Variants in SVEP1 observed in about 807,000 individuals in gnomAD.
SVEP1 encodes the protein sushi, von Willebrand factor type A, EGF and pentraxin domain containing 1.
Under a neutral mutation model 367.3 loss-of-function variants are expected in SVEP1, and 164 were observed. The observed-to-expected ratio is 0.45, with a 90% CI of 0.39 to 0.51. The LOEUF (loss-of-function observed/expected upper bound fraction) is 0.51, where lower values mean the gene tolerates loss of function less well. Ranked by LOEUF, SVEP1 falls within the 20% of genes least tolerant of loss-of-function variation. The pLI, the probability that SVEP1 is intolerant of heterozygous loss-of-function variation, is 0.00. For missense variants in SVEP1, 4,117 were observed against 4,425.3 expected, an observed-to-expected ratio of 0.93 and a Z score of 1.98; for synonymous variants, 1,666 against 1,611.6, an observed-to-expected ratio of 1.03 and a Z score of -0.81.
At chr9:110,494,006 T>C (rs368648237) in intron 8 of SVEP1, among the ~76,000 whole-genome samples, 4 of 152,302 alleles carry the variant, frequency 2.6e-5, no homozygotes, top group African/African-American at 7.2e-5. Flanking sequence ...CCTTCTGTTA[T>C]AGCATCGCTC....
chr9:110,484,821 A>T (rs576322573), intron 9 of SVEP1, among the ~76,000 whole-genome samples: 78 of 152,338 alleles, frequency 5.1e-4, no homozygotes, highest in Non-Finnish European at 9.7e-4. Flanking sequence ...CGGCCAACAA[A>T]CATATGAAAA....
intron 18 of SVEP1, among the ~76,000 whole-genome samples, chr9:110,464,460 C>T (rs1828905883): frequency 6.6e-6 from 1 of 152,174 alleles, no homozygotes; most frequent in Admixed American, 6.5e-5. Flanking sequence ...TCTCCCAATG[C>T]ACTTATGAGG....
chr9:110,408,426 G>T lies in SVEP1; in HGVS notation c.7174C>A (p.Pro2392Thr). Residue 2392 changes from proline (P) to threonine (T), a missense_variant, in exon 38 of 48, where the codon CCC becomes ACC. Coordinates refer to ENST00000374469, the MANE Select transcript of SVEP1 (RefSeq NM_153366.4). ...AAATGAAGAGCAGAAGAAGGAATGG[G>T]GACACCAAAGGAAATTAGGGGAGGT... ...TPPPLISFGV[P>T]IPSSALHFGS... is the part of the protein sequence containing the mutation. The T allele has an allele frequency of 6.2e-7, 1 of 1,613,908 alleles. No individual in the cohort carries two copies. The highest frequency in any genetic ancestry group is 8.5e-7 in the Non-Finnish European group (1 of 1,179,882).
intron 27 of SVEP1, among the ~76,000 whole-genome samples, chr9:110,437,148 C>A (rs946443877): frequency 6.6e-6 from 1 of 152,118 alleles, no homozygotes; most frequent in Admixed American, 6.6e-5. Flanking sequence ...CTTGCCCCGT[C>A]TTCTCTTTGT....
Position 110,445,949 on chromosome 9 carries a change from G to C in SVEP1, c.4351C>G (p.Leu1451Val). ...GATTTCATCCAGAAGGTACAGGTTA[G>C]AGCATGGAGAGATGGGAGCATGCCA... ...LDGMLPSLHA[L>V]TCTFWMKSSD... Residue 1451 changes from leucine (L) to valine (V), a missense_variant, in exon 26 of 48, where the codon CTA becomes GTA. Transcript: ENST00000374469. 4 of 1,613,944 alleles carry C rather than the reference G, an allele frequency of 2.5e-6. No homozygotes were observed. The highest frequency in any genetic ancestry group is 3.4e-6 in the Non-Finnish European group (4 of 1,179,848).
chr9:110,529,579 C>T (rs1407649372), intron 3 of SVEP1, among the ~76,000 whole-genome samples: 1 of 148,346 alleles, frequency 6.7e-6, no homozygotes, highest in African/African-American at 2.5e-5. Flanking sequence ...TGGTTCACCT[C>T]CTTGGTTACG....
chr9:110,577,531 T>G (rs1830641102), intron 1 of SVEP1, among the ~76,000 whole-genome samples: 1 of 152,106 alleles, frequency 6.6e-6, no homozygotes, highest in Non-Finnish European at 1.5e-5. Flanking sequence ...TTTCTCTGAT[T>G]TGGGAAATGA....
intron 17 of SVEP1, among the ~76,000 whole-genome samples, chr9:110,467,247 AT>A (rs1237368266): frequency 2.0e-5 from 3 of 152,364 alleles, no homozygotes; most frequent in African/African-American, 7.2e-5. Flanking sequence ...AAAATATTGA[AT>A]ATTTTAGCAG....
chr9:110,406,315 G>A lies in SVEP1; in HGVS notation c.9285C>T (p.Val3095=), dbSNP rs1285057384. The change falls in exon 38 of 48, where the codon GTC becomes GTT. Residue 3095 remains valine (V), a synonymous_variant. Transcript: ENST00000374469. The part of the protein sequence containing the change: ...VITYSCRSGY[V]IQGSSDLICT... Reference sequence around the variant, plus strand: ...AAATCAGATCTGAACTGCCTTGTATGACATATCCAGACCTGCAGCTGTAAG... The same window carrying A: ...AAATCAGATCTGAACTGCCTTGTATAACATATCCAGACCTGCAGCTGTAAG... 1.9e-6 allele frequency: 3 copies of A among 1,614,026 alleles called. No homozygotes were observed. The highest frequency in any genetic ancestry group is 2.2e-5 in the South Asian group (2 of 91,080).
Position 110,444,757 on chromosome 9 carries a change from A to C in SVEP1, c.4464-1037T>G, listed in dbSNP as rs564293695. Among the ~76,000 whole-genome samples, 72 of 113,312 alleles carry C rather than the reference A, an allele frequency of 6.4e-4. No individual in the cohort carries two copies. In the East Asian group the frequency reaches 9.7e-3, roughly 15 times the overall value. 74.3% of individuals were successfully genotyped at this position (113,312 alleles called of 152,430 possible). A position where few individuals can be genotyped will look rare whatever the true frequency, so the allele number is the denominator to read the frequency against. On this transcript the variant is annotated intron_variant, in intron 26 of 47. Transcript: ENST00000374469. ...TCCTGTTTACAGAGGTTTATGAAAA[A>C]ATAATATTTTTGCAATATTAATGGT...
chr9:110,505,956 T>C (rs1171943336), intron 5 of SVEP1, among the ~76,000 whole-genome samples: 1 of 152,126 alleles, frequency 6.6e-6, no homozygotes, highest in African/African-American at 2.4e-5. Context: ...CTCCTAATGT[T>C]ATCCCTCCCC....
intron 40 of SVEP1, among the ~76,000 whole-genome samples, chr9:110,400,422 A>C (rs1273962263): frequency 2.0e-5 from 3 of 151,250 alleles, no homozygotes; most frequent in Non-Finnish European, 4.4e-5. Context: ...GCTGGAGTGC[A>C]GTGGCATGAT....
At chr9:110,388,721 C>T (rs1422207449) in intron 41 of SVEP1, among the ~76,000 whole-genome samples, 4 of 152,132 alleles carry the variant, frequency 2.6e-5, no homozygotes, top group Admixed American at 1.3e-4. Context: ...ATAATCCCAG[C>T]ACTTTGGGAG....
intron 41 of SVEP1, among the ~76,000 whole-genome samples, chr9:110,388,151 A>G (rs1410045): frequency 0.86 from 130,287 of 152,098 alleles, 56,247 homozygotes; most frequent in African/African-American, 0.97. Context: ...AAAGACAATA[A>G]GAAAGTATAA....
At chr9:110,370,344 C>A (rs530406023) in intron 46 of SVEP1, among the ~76,000 whole-genome samples, 269 of 152,226 alleles carry the variant, frequency 1.8e-3, no homozygotes, top group African/African-American at 6.3e-3. Flanking sequence ...CAATCTGACA[C>A]TTTGAATGTT....
chr9:110,387,674 G>C (rs1827546751), intron 41 of SVEP1, among the ~76,000 whole-genome samples: 1 of 152,136 alleles, frequency 6.6e-6, no homozygotes, highest in Admixed American at 6.5e-5. Flanking sequence ...TAGTCTTATT[G>C]ACTCCAGCTG....
At chr9:110,498,658 AT>A (rs1829487016) in intron 7 of SVEP1, among the ~76,000 whole-genome samples, 1 of 152,120 alleles carries the variant, frequency 6.6e-6, no homozygotes, top group Non-Finnish European at 1.5e-5. Flanking sequence ...TGCAGAGAAA[AT>A]GGCAATGTCC....
In SVEP1 at chr9:110,579,249, A is replaced by G. The variant is rs763624116; in HGVS notation, c.295T>C (p.Phe99Leu). The change falls in exon 1 of 48, where the codon TTC becomes CTC. Residue 99 changes from phenylalanine (F) to leucine (L), a missense_variant. Physicochemically the swap from Phe to Leu is conservative, Grantham distance 22 (BLOSUM62 0). Transcript: ENST00000374469. The surrounding 1 kb of genome is among the most constrained non-coding windows in gnomAD (Gnocchi z 5.3). ...DDSSSVGEVN[F>L]RSELMFVRKL... ...CGGACGAACATGAGCTCGCTGCGGA[A>G]GTTGACTTCGCCCACGCTGGACGAA... 1.4e-5 allele frequency: 22 copies of G among 1,570,880 alleles called. No individual in the cohort carries two copies. The highest frequency in any genetic ancestry group is 2.4e-5 in the East Asian group (1 of 42,284).
chr9:110,435,166 G>T, intron 29 of SVEP1, 75 bp downstream of exon 29: 1 of 1,542,226 alleles, frequency 6.5e-7, no homozygotes, highest in Non-Finnish European at 8.7e-7. Flanking sequence ...AGAGAATTCT[G>T]AACTGTCTTC....
Sources: gnomAD v4.1 joint callset for allele counts (sites outside exome capture counted in the v4.1 genomes callset) on GRCh38, gnomAD v4.1.1 for gene constraint, Gnocchi (gnomAD v3.1) non-coding constraint, MANE v1.5 for transcripts, NCBI Gene and HGNC (gene_info 2026-07-23, HGNC 2026-07-21) for gene names.